The following AGBL2 variants were observed in gnomAD, a reference collection of about 807,000 sequenced individuals.
The protein encoded by AGBL2 is cytosolic carboxypeptidase 2.
Under a neutral mutation model 103.0 loss-of-function variants are expected in AGBL2, and 87 were observed. The observed-to-expected ratio is 0.84, with a 90% CI of 0.71 to 1.01. The LOEUF (loss-of-function observed/expected upper bound fraction) is 1.01, where lower values mean the gene tolerates loss of function less well. AGBL2 is among the 50% of genes least tolerant of loss of function. AGBL2 has a pLI of 0.00. For synonymous variants in AGBL2, 335 were observed against 356.7 expected (o/e 0.94, Z 0.69); for missense variants, 904 against 1,023.5 (o/e 0.88, Z 1.59).
intron 8 of AGBL2, among the ~76,000 whole-genome samples, chr11:47,697,399 C>T (rs148506337): frequency 0.01 from 1,525 of 151,872 alleles, 18 homozygotes; most frequent in Non-Finnish European, 0.017. Flanking sequence ...CCATCATGCC[C>T]GGCTAATTTT....
intron 2 of AGBL2, 99 bp from the exon 3 acceptor site, chr11:47,714,446 C>A: frequency 7.4e-7 from 1 of 1,352,820 alleles, no homozygotes; most frequent in African/African-American, 1.4e-5. Context: ...CTAGACTAAA[C>A]CAAGCGAGCT....
chr11:47,707,069 C>T (rs1350651015), intron 4 of AGBL2, among the ~76,000 whole-genome samples: 4 of 148,888 alleles, frequency 2.7e-5, no homozygotes, highest in Admixed American at 6.7e-5. Context: ...CATGGTGGCA[C>T]GTGCCTGTAA....
intron 9 of AGBL2, among the ~76,000 whole-genome samples, chr11:47,691,278 C>A (rs1449725479): frequency 1.3e-5 from 2 of 151,068 alleles, no homozygotes; most frequent in Admixed American, 6.6e-5. Context: ...AAAAAACAAA[C>A]AAACAAACAA....
At chr11:47,668,108 C>A (rs1310445659) in intron 15 of AGBL2, among the ~76,000 whole-genome samples, 1 of 149,800 alleles carries the variant, frequency 6.7e-6, no homozygotes, top group African/African-American at 2.5e-5. Flanking sequence ...ACTCAGGAGG[C>A]TGAGGCAGGA....
chr11:47,670,189 C>T (rs2097353163), intron 14 of AGBL2, among the ~76,000 whole-genome samples: 1 of 152,238 alleles, frequency 6.6e-6, no homozygotes, highest in African/African-American at 2.4e-5. Context: ...ATTTATTCCT[C>T]TTTGGCTGGT....
chr11:47,671,974 C>G (rs377527158), intron 14 of AGBL2, among the ~76,000 whole-genome samples: 2 of 152,282 alleles, frequency 1.3e-5, no homozygotes, highest in South Asian at 2.1e-4. Context: ...GAGACTGTGA[C>G]AGCCAGTTTC....
chr11:47,707,024 TAAAAAAAAAA>T (rs61459888), intron 4 of AGBL2, among the ~76,000 whole-genome samples: 1 of 111,646 alleles, frequency 9.0e-6, no homozygotes, highest in African/African-American at 3.4e-5. Flanking sequence ...CTGTCTCTAC[TAAAAAAAAAA>T]AAAAAAAAAA....
chr11:47,685,827 C>T, intron 11 of AGBL2, 66 bp downstream of exon 11: 1 of 1,479,586 alleles, frequency 6.8e-7, no homozygotes, highest in South Asian at 1.2e-5. Flanking sequence ...TAAAACACTA[C>T]ATATAGGAAG....
Position 47,714,632 on chromosome 11 carries a change from T to C in AGBL2, c.19A>G (p.Thr7Ala). 6.2e-7 allele frequency: 1 copy of C among 1,613,766 alleles called. No individual in the cohort carries two copies. Among genetic ancestry groups the C allele is most frequent in the Non-Finnish European group, 8.5e-7 (1 of 1,179,968 alleles). MFPALE[T>A]HLKQTIPDPY... ...TGTGTACCGACCTGCTTTAGGTGCG[T>C]TTCCAAAGCTGGGAACATGTTACTT... Residue 7 changes from threonine to alanine, a missense_variant, in exon 2 of 19, where the codon ACG becomes GCG. Physicochemically the swap from Thr to Ala is moderately conservative, Grantham distance 58. Coordinates refer to ENST00000525123, the MANE Select transcript of AGBL2 (RefSeq NM_024783.4).
In AGBL2 at chr11:47,668,157, T is replaced by G. The variant is rs2097346635; in HGVS notation, c.2215-461A>C. Among the ~76,000 whole-genome samples, 2 of 131,596 alleles carry G rather than the reference T, an allele frequency of 1.5e-5. 1 individual carries two copies. Among genetic ancestry groups the G allele is most frequent in the South Asian group, 4.8e-4 (2 of 4,206 alleles). 86.3% of individuals were successfully genotyped at this position (131,596 alleles called of 152,430 possible). A position where few individuals can be genotyped will look rare whatever the true frequency, so the allele number is the denominator to read the frequency against. On this transcript the variant is annotated intron_variant, in intron 15 of 18. Transcript: ENST00000525123. Reference sequence around the variant, plus strand: ...CTGGGAGGTGGAGGTTGCAGTAAGCTGAGATCACGCCCCTGAACTCCAGCC... The same window carrying G: ...CTGGGAGGTGGAGGTTGCAGTAAGCGGAGATCACGCCCCTGAACTCCAGCC...
rs867537019 is a variant in AGBL2, at chr11:47,668,899, C to G, written c.2156G>C (p.Gly719Ala). ...ACCATCTGAGAGAGAACTGTCAGAG[C>G]CACTGGTGCTGTTTCCAAAAGAAAA... ...SLSDIESSTS[G>A]SDSSLSDGLP... The change falls in exon 15 of 19, where the codon GGC (glycine) becomes GCC (alanine). Residue 719 changes from glycine to alanine, a missense_variant. By Grantham distance (60) the Gly-to-Ala change is moderately conservative. Coordinates refer to ENST00000525123, the MANE Select transcript of AGBL2 (RefSeq NM_024783.4). The G allele has an allele frequency of 6.2e-7, 1 of 1,611,808 alleles. No individual in the cohort carries two copies. Among genetic ancestry groups the G allele is most frequent in the Non-Finnish European group, 8.5e-7 (1 of 1,178,516 alleles).
rs144800816 is a variant in AGBL2 at position 47,689,120 on chromosome 11, G to A, written c.1631+956C>T. On this transcript the variant is annotated intron_variant, in intron 10 of 18. Coordinates refer to ENST00000525123, the MANE Select transcript of AGBL2 (RefSeq NM_024783.4). ...GTGCTATTACATTATAGCCTTCAAT[G>A]CTTTTATACAGGCTTGAAAACTGCT... Among the ~76,000 whole-genome samples, 14 of 152,068 alleles carry A rather than the reference G, an allele frequency of 9.2e-5. No individual in the cohort carries two copies. In the East Asian group the frequency reaches 2.7e-3, roughly 29 times the overall value.
rs527817671 is a variant in AGBL2 at position 47,659,896 on chromosome 11, C to T, written c.*277G>A. 48 of 309,616 alleles carry T rather than the reference C, an allele frequency of 1.6e-4. No individual in the cohort carries two copies. The highest frequency in any genetic ancestry group is 9.8e-4 in the African/African-American group (46 of 46,754). 19.2% of individuals were successfully genotyped at this position (309,616 alleles called of 1,614,324 possible). A position where few individuals can be genotyped will look rare whatever the true frequency, so the allele number is the denominator to read the frequency against. ...TTAAAATGAGGTATATCTGTGCTGCCATGAAGTGTGCCATGAGAACACACT... is the reference window on the plus strand; with the variant it reads ...TTAAAATGAGGTATATCTGTGCTGCTATGAAGTGTGCCATGAGAACACACT... On this transcript the variant is annotated 3_prime_UTR_variant, in exon 19 of 19. Coordinates refer to ENST00000525123, the MANE Select transcript of AGBL2 (RefSeq NM_024783.4).
intron 16 of AGBL2, 89 bp downstream of exon 16, chr11:47,667,482 G>A: frequency 6.7e-7 from 1 of 1,487,014 alleles, no homozygotes; most frequent in Non-Finnish European, 9.1e-7. Context: ...CCCCTTTTTG[G>A]TTTAGAGTAA....
chr11:47,676,811 C>T (rs536138424), intron 14 of AGBL2, among the ~76,000 whole-genome samples: 1 of 100,998 alleles, frequency 9.9e-6, no homozygotes, highest in African/African-American at 5.3e-5. Context: ...GAGCCTCCAT[C>T]TCAAAAAAAA....
At chr11:47,662,837 G>A (rs1240858850) in intron 18 of AGBL2, among the ~76,000 whole-genome samples, 189 bp downstream of exon 18, 1 of 152,100 alleles carries the variant, frequency 6.6e-6, no homozygotes, top group African/African-American at 2.4e-5. Flanking sequence ...ACAAAACTTG[G>A]TACTGAATGG....
At chr11:47,681,320 C>G (rs2097400334) in intron 12 of AGBL2, among the ~76,000 whole-genome samples, 1 of 151,358 alleles carries the variant, frequency 6.6e-6, no homozygotes, top group Non-Finnish European at 1.5e-5. Flanking sequence ...TGAAAGAAAC[C>G]CTGTCTCAAA....
chr11:47,684,713 C>T (rs2097417159), intron 11 of AGBL2, among the ~76,000 whole-genome samples: 1 of 152,066 alleles, frequency 6.6e-6, no homozygotes, highest in African/African-American at 2.4e-5. Context: ...CCTGTATATG[C>T]CTGTCACAAA....
chr11:47,713,758 T>C (rs2097542400), intron 3 of AGBL2, among the ~76,000 whole-genome samples: 1 of 150,942 alleles, frequency 6.6e-6, no homozygotes, highest in South Asian at 2.1e-4. Context: ...CCGGCTAATT[T>C]TTTTGTATTT....
Sources: allele counts gnomAD v4.1 joint callset (sites outside exome capture counted in the v4.1 genomes callset), GRCh38; gene constraint gnomAD v4.1.1; transcripts MANE v1.5; gene names NCBI Gene and HGNC (gene_info 2026-07-23, HGNC 2026-07-21).